Variants in MAPK14 observed in about 807,000 individuals in gnomAD.
The protein encoded by MAPK14 is mitogen-activated protein kinase 14, also known as CSAID-binding protein.
A neutral mutation model predicts 49.6 loss-of-function variants in MAPK14; 16 were observed. That is an observed-to-expected ratio of 0.32 (90% CI 0.22 to 0.49). The LOEUF (loss-of-function observed/expected upper bound fraction) is 0.49, where lower values mean the gene tolerates loss of function less well. MAPK14 is among the 20% of genes least tolerant of loss of function. MAPK14 has a pLI of 0.99. For missense variants in MAPK14, 200 were observed against 441.2 expected (o/e 0.45, Z 4.90); for synonymous variants, 142 against 158.0 (o/e 0.90, Z 0.76).
At chr6:36,072,742 C>T (rs1764356232) in intron 3 of MAPK14, 131 bp from the exon 4 acceptor site, 2 of 534,870 alleles carry the variant, frequency 3.7e-6, no homozygotes, top group African/African-American at 1.9e-5. Flanking sequence ...TCCAGCCTGG[C>T]AGTAGAGCGA....
rs1343203859 is a variant in MAPK14 at position 36,027,873 on chromosome 6, G to A, written c.-285G>A. The A allele has an allele frequency of 4.9e-6, 2 of 405,096 alleles. No individual in the cohort carries two copies. Among genetic ancestry groups the A allele is most frequent in the African/African-American group, 4.1e-5 (2 of 48,662 alleles). 25.1% of individuals were successfully genotyped at this position (405,096 alleles called of 1,614,324 possible). A position where few individuals can be genotyped will look rare whatever the true frequency, so the allele number is the denominator to read the frequency against. On this transcript the variant is annotated 5_prime_UTR_variant, in exon 1 of 12. Transcript: ENST00000229794. Reference sequence around the variant, plus strand: ...TGCGACGCAGCCCGGAGTCGGCCTTGTAGGGGCGAAGGTGCAGGGAGATCG... The same window carrying A: ...TGCGACGCAGCCCGGAGTCGGCCTTATAGGGGCGAAGGTGCAGGGAGATCG...
At chr6:36,053,674 T>TTA (rs1212159041) in intron 2 of MAPK14, among the ~76,000 whole-genome samples, 1 of 152,208 alleles carries the variant, frequency 6.6e-6, no homozygotes, top group Non-Finnish European at 1.5e-5. Flanking sequence ...GTACTGCTTG[T>TTA]TACCTTGTGG....
At chr6:36,060,984 C>T (rs1321326803) in intron 3 of MAPK14, among the ~76,000 whole-genome samples, 1 of 152,134 alleles carries the variant, frequency 6.6e-6, no homozygotes, top group Non-Finnish European at 1.5e-5. Flanking sequence ...CTTGATACAA[C>T]AATATGGAGG....
the MAPK14 span, among the ~76,000 whole-genome samples, chr6:36,123,358 G>A: frequency 6.6e-6 from 1 of 152,140 alleles, no homozygotes; most frequent in Non-Finnish European, 1.5e-5. Context: ...ACAAGGATGA[G>A]GCCTCTAGGC....
chr6:36,061,516 G>A (rs1224021460), intron 3 of MAPK14, among the ~76,000 whole-genome samples: 1 of 152,118 alleles, frequency 6.6e-6, no homozygotes, highest in Admixed American at 6.6e-5. Context: ...CTGTTGAGCA[G>A]GAATCCGTTC....
At chr6:36,059,955 A>G (rs1327193076) in intron 3 of MAPK14, among the ~76,000 whole-genome samples, 1 of 152,206 alleles carries the variant, frequency 6.6e-6, no homozygotes, top group East Asian at 1.9e-4. Flanking sequence ...AGATTTCTAT[A>G]CTGGGATAAG....
At chr6:36,092,464 C>A in intron 8 of MAPK14, 1 of 639,280 alleles carries the variant, frequency 1.6e-6, no homozygotes, top group South Asian at 1.4e-5. Context: ...GGGATGACCG[C>A]TACATCATCA....
At position 36,095,979 on chromosome 6, in the gene MAPK14, A is replaced by C. The variant is rs951358442; in HGVS notation, c.683-8A>C. 2.6e-6 allele frequency: 4 copies of C among 1,555,716 alleles called. No homozygotes were observed. The highest frequency in any genetic ancestry group is 1.7e-4 in the Middle Eastern group (1 of 5,882). Reference sequence around the variant, plus strand: ...GTCCCAACATTTTCCTTTATGGTCCACCATTAGATATTGATCAGTTGAAGC... The same window carrying C: ...GTCCCAACATTTTCCTTTATGGTCCCCCATTAGATATTGATCAGTTGAAGC... On this transcript the variant is annotated splice_polypyrimidine_tract_variant and splice_region_variant and intron_variant, in intron 8 of 11. Coordinates refer to ENST00000229794, the MANE Select transcript of MAPK14 (RefSeq NM_139012.3).
At chr6:36,034,242 C>G (rs1762651344) in intron 1 of MAPK14, among the ~76,000 whole-genome samples, 1 of 152,124 alleles carries the variant, frequency 6.6e-6, no homozygotes, top group Non-Finnish European at 1.5e-5. Flanking sequence ...ACTGATAAAT[C>G]AAAAATGCAC....
At chr6:36,102,798 G>A (rs774224011) in intron 10 of MAPK14, 149 bp downstream of exon 10, 2 of 1,399,504 alleles carry the variant, frequency 1.4e-6, no homozygotes, top group African/African-American at 1.5e-5. Context: ...TTATCTATTT[G>A]TGTTGTCAGA....
chr6:36,029,746 A>G (rs994680487), intron 1 of MAPK14, among the ~76,000 whole-genome samples: 1 of 152,288 alleles, frequency 6.6e-6, no homozygotes, highest in Middle Eastern at 3.4e-3. Context: ...TGCTTAAGTT[A>G]TGTTGCAGAT....
At chr6:36,033,463 C>T (rs1158001448) in intron 1 of MAPK14, among the ~76,000 whole-genome samples, 1 of 152,058 alleles carries the variant, frequency 6.6e-6, no homozygotes, top group Non-Finnish European at 1.5e-5. Context: ...ATTACAAGTG[C>T]GTGCCACCAT....
intron 8 of MAPK14, among the ~76,000 whole-genome samples, chr6:36,090,936 G>T (rs1352888625): frequency 2.6e-5 from 4 of 152,180 alleles, no homozygotes; most frequent in African/African-American, 9.7e-5. Flanking sequence ...TTTTCTTTGT[G>T]TTACAGTGAA....
chr6:36,076,514 T>C (rs748369308), intron 7 of MAPK14, 23 bp from the exon 8 acceptor site: 4 of 1,580,436 alleles, frequency 2.5e-6, no homozygotes, highest in Non-Finnish European at 3.5e-6. Flanking sequence ...GCATATACTT[T>C]TACTTCTTTT....
chr6:36,031,427 A>G (rs1188781079), intron 1 of MAPK14, among the ~76,000 whole-genome samples: 1 of 151,938 alleles, frequency 6.6e-6, no homozygotes, highest in Non-Finnish European at 1.5e-5. Flanking sequence ...TTATTTTGAG[A>G]CAGAGTCTCA....
At chr6:36,037,192 T>C (rs1283375886) in intron 1 of MAPK14, among the ~76,000 whole-genome samples, 4 of 152,234 alleles carry the variant, frequency 2.6e-5, no homozygotes, top group Admixed American at 6.5e-5. Flanking sequence ...TTTTGTGATA[T>C]TCACTGTGTT....
intron 3 of MAPK14, among the ~76,000 whole-genome samples, chr6:36,069,629 A>G (rs114975388): frequency 0.025 from 3,843 of 152,246 alleles, 69 homozygotes; most frequent in Non-Finnish European, 0.042. Flanking sequence ...TTGGTGATAA[A>G]ATGGATGTGG....
Position 36,074,061 on chromosome 6 carries a change from A to G in MAPK14, c.460A>G (p.Ser154Gly). 1.2e-6 allele frequency: 2 copies of G among 1,612,858 alleles called. No homozygotes were observed. Among genetic ancestry groups the G allele is most frequent in the Non-Finnish European group, 8.5e-7 (1 of 1,178,942 alleles). ...ATTTGCTTCCTAGGACCTAAAACCT[A>G]GTAATCTAGCTGTGAATGAAGACTG... ...ADIIHRDLKP[S>G]NLAVNEDCEL... The change falls in exon 6 of 12, where the codon AGT becomes GGT. Residue 154 changes from serine to glycine, a missense_variant. Coordinates refer to ENST00000229794, the MANE Select transcript of MAPK14 (RefSeq NM_139012.3).
At chr6:36,082,525 T>G (rs1764806583) in intron 8 of MAPK14, among the ~76,000 whole-genome samples, 1 of 152,200 alleles carries the variant, frequency 6.6e-6, no homozygotes, top group Non-Finnish European at 1.5e-5. Context: ...AGCATCTGTT[T>G]CTGGTCAGGA....
Sources: gnomAD v4.1 joint callset for allele counts (sites outside exome capture counted in the v4.1 genomes callset) on GRCh38, gnomAD v4.1.1 for gene constraint, MANE v1.5 for transcripts, NCBI Gene and HGNC (gene_info 2026-07-23, HGNC 2026-07-21) for gene names.